The following ROBO2 variants were observed in gnomAD, a reference collection of about 807,000 sequenced individuals.
ROBO2 encodes the protein roundabout guidance receptor 2.
A neutral mutation model predicts 160.8 loss-of-function variants in ROBO2; 53 were observed. The observed-to-expected ratio is 0.33, with a 90% CI of 0.26 to 0.41. The LOEUF (loss-of-function observed/expected upper bound fraction) is 0.41. Among genes scored for constraint, ROBO2 ranks in the 10% least tolerant of loss-of-function variants. ROBO2 has a pLI of 1.00. For missense variants in ROBO2, 1,577 were observed against 1,722.4 expected (o/e 0.92, Z 1.49); for synonymous variants, 664 against 611.7 (o/e 1.09, Z -1.26).
At chr3:76,418,135 C>A (rs1487071942) in intron 2 of ROBO2, among the ~76,000 whole-genome samples, 1 of 151,568 alleles carries the variant, frequency 6.6e-6, no homozygotes, top group Non-Finnish European at 1.5e-5. Flanking sequence ...AACTTAAGCT[C>A]AAGCAGAAGC....
At chr3:76,026,814 GAGA>G (rs1343174747) in intron 2 of ROBO2, among the ~76,000 whole-genome samples, 1 of 151,912 alleles carries the variant, frequency 6.6e-6, no homozygotes, top group Non-Finnish European at 1.5e-5. Context: ...TGGGTTGTCA[GAGA>G]AGATCTGTCT....
At chr3:77,640,341 T>C (rs1012236429) in intron 24 of ROBO2, among the ~76,000 whole-genome samples, 16 of 152,054 alleles carry the variant, frequency 1.1e-4, no homozygotes, top group Admixed American at 5.2e-4. Context: ...TCTCGATCTC[T>C]TGACCTCGTG....
rs73841042 is a variant in ROBO2 at position 75,944,624 on chromosome 3, T to G, written c.109+7022T>G. ...TCAGCAACTTTTCTTCCTTAAATCATCATATCTTGTCTGAAAGTGTTTTCT... is the reference window on the plus strand; with the variant it reads ...TCAGCAACTTTTCTTCCTTAAATCAGCATATCTTGTCTGAAAGTGTTTTCT... On this transcript the variant is annotated intron_variant, in intron 2 of 26. Coordinates refer to the ROBO2 transcript ENST00000487694. 5.3e-5 allele frequency among the ~76,000 whole-genome samples: 8 copies of G among 152,262 alleles called. 1 individual carries two copies. In the South Asian group the frequency reaches 1.7e-3, roughly 32 times the overall value.
At chr3:77,068,170 T>C (rs1426296818) in intron 1 of ROBO2, among the ~76,000 whole-genome samples, 2 of 152,168 alleles carry the variant, frequency 1.3e-5, no homozygotes, top group African/African-American at 4.8e-5. Context: ...CCCTTTATTT[T>C]TGAGTGCTAC....
chr3:76,394,760 C>T (rs1455895955), intron 2 of ROBO2, among the ~76,000 whole-genome samples: 1 of 152,098 alleles, frequency 6.6e-6, no homozygotes, highest in African/African-American at 2.4e-5. Flanking sequence ...GGGATCAATT[C>T]AACAAGAAGA....
intron 2 of ROBO2, among the ~76,000 whole-genome samples, chr3:76,529,047 A>C (rs1244163375): frequency 6.6e-6 from 1 of 152,110 alleles, no homozygotes; most frequent in Non-Finnish European, 1.5e-5. Flanking sequence ...GGTGAGAAAA[A>C]ACCCTGACTG....
chr3:77,340,575 T>G (rs916926601), intron 2 of ROBO2, among the ~76,000 whole-genome samples: 1 of 152,140 alleles, frequency 6.6e-6, no homozygotes, highest in African/African-American at 2.4e-5. Flanking sequence ...TTCAGAAATA[T>G]AATTCAGATC....
chr3:75,978,835 A>C (rs1340008427), intron 2 of ROBO2, among the ~76,000 whole-genome samples: 1 of 151,550 alleles, frequency 6.6e-6, no homozygotes, highest in Non-Finnish European at 1.5e-5. Flanking sequence ...TGGCAAGCTC[A>C]CATCTTGTTA....
intron 2 of ROBO2, among the ~76,000 whole-genome samples, chr3:77,161,623 A>T (rs2078495594): frequency 2.0e-5 from 3 of 152,152 alleles, no homozygotes; most frequent in African/African-American, 7.2e-5. Context: ...TAGCCCAGAG[A>T]TATTTTATTT....
chr3:76,603,343 AAAAAAAAAATATATAT>A (rs1198931949), intron 2 of ROBO2, among the ~76,000 whole-genome samples: 3,777 of 74,894 alleles, frequency 0.05, 80 homozygotes, highest in East Asian at 0.11. Context: ...AAAAAAAAAA[AAAAAAAAAATATATAT>A]ATATATATAT....
At chr3:77,268,122 A>G (rs1417564756) in intron 2 of ROBO2, among the ~76,000 whole-genome samples, 1 of 152,196 alleles carries the variant, frequency 6.6e-6, no homozygotes, top group African/African-American at 2.4e-5. Flanking sequence ...CTGCCATGTT[A>G]TAATTACAGC....
chr3:77,483,305 G>C (rs1019998186), intron 4 of ROBO2, among the ~76,000 whole-genome samples: 14 of 151,938 alleles, frequency 9.2e-5, no homozygotes, highest in African/African-American at 3.4e-4. Context: ...TCAAGGATGT[G>C]ACAAGTATTG....
At chr3:77,187,883 A>T (rs2081424233) in intron 2 of ROBO2, among the ~76,000 whole-genome samples, 1 of 151,952 alleles carries the variant, frequency 6.6e-6, no homozygotes, top group South Asian at 2.1e-4. Context: ...TTTTTACTTT[A>T]AAACTCAGTA....
intron 2 of ROBO2, among the ~76,000 whole-genome samples, chr3:76,821,871 T>C (rs960357818): frequency 6.6e-6 from 1 of 151,980 alleles, no homozygotes; most frequent in Non-Finnish European, 1.5e-5. Flanking sequence ...TTTTTAACAA[T>C]GTCAGTGGTA....
intron 2 of ROBO2, among the ~76,000 whole-genome samples, chr3:76,879,513 T>C (rs1304605584): frequency 1.3e-5 from 2 of 152,092 alleles, no homozygotes; most frequent in Non-Finnish European, 2.9e-5. Context: ...AATTCAAATT[T>C]AAACATCAAT....
intron 2 of ROBO2, among the ~76,000 whole-genome samples, chr3:77,001,930 A>G (rs2061354531): frequency 6.6e-6 from 1 of 152,162 alleles, no homozygotes; most frequent in Non-Finnish European, 1.5e-5. Flanking sequence ...ACTGATTTTC[A>G]CAAGGCACCT....
chr3:77,109,357 A>T (rs2073269455), intron 2 of ROBO2, among the ~76,000 whole-genome samples: 1 of 142,512 alleles, frequency 7.0e-6, no homozygotes, highest in Admixed American at 6.8e-5. Context: ...CTAAGATGGT[A>T]TATTTTATGT....
chr3:77,333,340 A>G (rs543733624), intron 2 of ROBO2, among the ~76,000 whole-genome samples: 2 of 152,262 alleles, frequency 1.3e-5, no homozygotes, highest in South Asian at 4.1e-4. Flanking sequence ...CTAACATTAC[A>G]CTTAGAAGGG....
At chr3:77,580,754 G>A (rs994968291) in intron 16 of ROBO2, among the ~76,000 whole-genome samples, 5 of 152,020 alleles carry the variant, frequency 3.3e-5, no homozygotes, top group Non-Finnish European at 7.4e-5. Flanking sequence ...TTTTACTGCT[G>A]AGCAGTATTC....
Sources: allele counts gnomAD v4.1 joint callset (sites outside exome capture counted in the v4.1 genomes callset), GRCh38; gene constraint gnomAD v4.1.1; transcripts MANE v1.5; gene names NCBI Gene and HGNC (gene_info 2026-07-23, HGNC 2026-07-21).